Variants in ATG4D observed in about 807,000 individuals in gnomAD.
ATG4D encodes the protein cysteine protease ATG4D.
ATG4D carries 51 observed loss-of-function variants against 55.2 expected under a neutral mutation model. The ratio of observed to expected loss-of-function variants is 0.92; its 90% CI spans 0.74 to 1.17. The LOEUF (loss-of-function observed/expected upper bound fraction) is 1.17, where lower values mean the gene tolerates loss of function less well. Among genes scored for constraint, ATG4D ranks in the 50% most tolerant of loss-of-function variants. The pLI, the probability that ATG4D is intolerant of heterozygous loss-of-function variation, is 0.00. For missense variants in ATG4D, 635 were observed against 649.6 expected (o/e 0.98, Z 0.25); for synonymous variants, 268 against 266.2 (o/e 1.01, Z -0.07).
chr19:10,546,886 G>A lies in ATG4D; in HGVS notation c.541G>A (p.Gly181Arg). The change falls in exon 4 of 10, where the codon GGG becomes AGG. Residue 181 changes from glycine to arginine, a missense_variant. Coordinates refer to ENST00000309469, the MANE Select transcript of ATG4D (RefSeq NM_032885.6). ...GMGLGPPELS[G>R]SASPSRYHGP... ...GGGCCTGGGCCCCCCTGAGCTGTCA[G>A]GGTCAGCCTCTCCCAGCCGGTACCA... 1 of 1,608,884 alleles carries A rather than the reference G, an allele frequency of 6.2e-7. No homozygotes were observed. Among genetic ancestry groups the A allele is most frequent in the Non-Finnish European group, 8.5e-7 (1 of 1,177,760 alleles).
rs752118366 is a variant in ATG4D at position 10,552,222 on chromosome 19, G to A, written c.1140G>A (p.Ser380=). 2.0e-5 allele frequency: 33 copies of A among 1,612,918 alleles called. No individual in the cohort carries two copies. The highest frequency in any genetic ancestry group is 2.4e-5 in the Non-Finnish European group (28 of 1,180,002). The change falls in exon 9 of 10, where the codon TCG becomes TCA. Residue 380 remains serine (S), a synonymous_variant. Transcript: ENST00000309469. The part of the protein sequence containing the change: ...DFPLESFHCT[S]PRKMAFAKMD... The stretch of plus-strand genomic sequence containing the variant: ...TGCCCCAGTCCTTCCACTGCACCTC[G>A]CCCCGCAAGATGGCCTTTGCCAAGA...
chr19:10,544,618 C>A, intron 1 of ATG4D, 165 bp from the exon 2 acceptor site: 3 of 1,318,516 alleles, frequency 2.3e-6, no homozygotes, highest in Non-Finnish European at 3.0e-6. Context: ...TGATGGTGGA[C>A]ACTCCTGTAG....
rs548268362 is a variant in ATG4D at position 10,547,042 on chromosome 19, G to C, written c.697G>C (p.Val233Leu). ...PRAPFGLHRL[V>L]ELGQSSGKKA... ...GGCCCCCTTTGGCCTACACCGGCTG[G>C]TGGAGCTTGGGCAGAGCTCAGGCAA... The change falls in exon 4 of 10, where the codon GTG (valine) becomes CTG (leucine). Residue 233 changes from valine (V) to leucine (L), a missense_variant. Val to Leu is a conservative substitution (Grantham distance 32). Coordinates refer to ENST00000309469, the MANE Select transcript of ATG4D (RefSeq NM_032885.6). The C allele has an allele frequency of 6.3e-7, 1 of 1,587,010 alleles. No individual in the cohort carries two copies. Among genetic ancestry groups the C allele is most frequent in the East Asian group, 2.3e-5 (1 of 43,938 alleles).
At chr19:10,547,295 G>A in intron 5 of ATG4D, 42 bp downstream of exon 5, 1 of 1,596,614 alleles carries the variant, frequency 6.3e-7, no homozygotes, top group Non-Finnish European at 8.6e-7. Context: ...CCCACCCTGA[G>A]CCAGACTCTG....
chr19:10,545,299 CG>C (rs1336475652), intron 3 of ATG4D, among the ~76,000 whole-genome samples, 169 bp downstream of exon 3: 2 of 152,160 alleles, frequency 1.3e-5, no homozygotes, highest in Non-Finnish European at 2.9e-5. Flanking sequence ...GGGTTGGAAA[CG>C]GTGGCTCATG....
chr19:10,548,003 A>ATTTTTTTTTTTTTTTTTTTT lies in ATG4D; in HGVS notation c.835+776_835+795dup, dbSNP rs60924749. Among the ~76,000 whole-genome samples the ATTTTTTTTTTTTTTTTTTTT allele has an allele frequency of 1.1e-4, 4 of 35,000 alleles. 1 individual carries two copies. Among genetic ancestry groups the ATTTTTTTTTTTTTTTTTTTT allele is most frequent in the Non-Finnish European group, 2.1e-4 (4 of 19,016 alleles). 23.0% of individuals were successfully genotyped at this position (35,000 alleles called of 152,430 possible). A position where few individuals can be genotyped will look rare whatever the true frequency, so the allele number is the denominator to read the frequency against. On this transcript the variant is annotated intron_variant, in intron 5 of 9. Transcript: ENST00000309469. ...TGAGCCACTGTGCCCAGCCCCTGTA[A>ATTTTTTTTTTTTTTTTTTTT]TTTTTTTTTTTTTTTTTTTTTTTTT... is the stretch of plus-strand genomic sequence containing the variant.
intron 6 of ATG4D, chr19:10,550,944 T>G (rs12973308): frequency 0.24 from 36,174 of 151,912 alleles, 5,337 homozygotes; most frequent in East Asian, 0.69. Flanking sequence ...TCTCCTGACC[T>G]CGTGATCCTC....
At chr19:10,552,355 G>A (rs778895215) in intron 9 of ATG4D, 31 bp downstream of exon 9, 2 of 1,597,174 alleles carry the variant, frequency 1.3e-6, no homozygotes, top group Non-Finnish European at 1.7e-6. Flanking sequence ...AGTGGGGTGA[G>A]GGGGGCGGTT....
chr19:10,544,309 GAAC>G lies in ATG4D; in HGVS notation c.223_225del (p.Asn75del), dbSNP rs2074944260. ...TCAAGGCCAAGTTCCTGACAGCCTG[GAAC>G]AACGTCAAGTACGGTGAGGAGGGGG... is the stretch of plus-strand genomic sequence containing the variant. On this transcript the variant is annotated inframe_deletion, in exon 1 of 10. Coordinates refer to ENST00000309469, the MANE Select transcript of ATG4D (RefSeq NM_032885.6). 1 of 1,311,528 alleles carries G rather than the reference GAAC, an allele frequency of 7.6e-7. No homozygotes were observed. The highest frequency in any genetic ancestry group is 2.9e-5 in the South Asian group (1 of 34,236). 81.2% of individuals were successfully genotyped at this position (1,311,528 alleles called of 1,614,324 possible). A position where few individuals can be genotyped will look rare whatever the true frequency, so the allele number is the denominator to read the frequency against.
In ATG4D at chr19:10,546,855, G is replaced by A. The variant is rs779489167; in HGVS notation, c.510G>A (p.Glu170=). The change falls in exon 4 of 10, where the codon GAG becomes GAA. Residue 170 remains glutamate (E), a synonymous_variant. Coordinates refer to ENST00000309469, the MANE Select transcript of ATG4D (RefSeq NM_032885.6). ...HFLPRDWTWA[E]GMGLGPPELS... ...TTCCACCAGACTGGACATGGGCCGA[G>A]GGCATGGGCCTGGGCCCCCCTGAGC... 1.9e-6 allele frequency: 3 copies of A among 1,594,304 alleles called. No individual in the cohort carries two copies. Among genetic ancestry groups the A allele is most frequent in the South Asian group, 2.2e-5 (2 of 89,768 alleles).
At position 10,544,194 on chromosome 19, in the gene ATG4D, A is replaced by G; in HGVS notation, c.104A>G (p.Asp35Gly). Residue 35 changes from aspartate (D) to glycine (G), a missense_variant, in exon 1 of 10, where the codon GAC becomes GGC. Asp to Gly is a moderately conservative substitution (Grantham distance 94). Transcript: ENST00000309469. The stretch of plus-strand genomic sequence containing the variant: ...AGGCCGCGGGGTCCCAGAGGCCCAG[A>G]CCCCAACGGCCTGGGGCCTTCCGGA... ...ARRPRGPRGP[D>G]PNGLGPSGAS... The G allele has an allele frequency of 8.0e-7, 1 of 1,248,202 alleles. No individual in the cohort carries two copies. Among genetic ancestry groups the G allele is most frequent in the Non-Finnish European group, 1.0e-6 (1 of 988,782 alleles). 77.3% of individuals were successfully genotyped at this position (1,248,202 alleles called of 1,614,324 possible). A position where few individuals can be genotyped will look rare whatever the true frequency, so the allele number is the denominator to read the frequency against.
At chr19:10,549,091 G>A (rs1156447840) in intron 6 of ATG4D, 57 bp downstream of exon 6, 2 of 1,602,364 alleles carry the variant, frequency 1.2e-6, no homozygotes, top group African/African-American at 2.7e-5. Flanking sequence ...GACTTGTTTA[G>A]TTTGTGTTAG....
At chr19:10,544,601 C>A in intron 1 of ATG4D, 182 bp from the exon 2 acceptor site, 1 of 1,251,750 alleles carries the variant, frequency 8.0e-7, no homozygotes, top group Non-Finnish European at 1.1e-6. Flanking sequence ...CTTCCTTCAT[C>A]CTGAATTGAT....
In ATG4D at chr19:10,553,149, AGTG is replaced by A; in HGVS notation, c.*83_*85del. ...CGGGTGTGGGATCTTGAGCTCTGGC[AGTG>A]ATGATGGTACTTCCTGTTGTCAGCC... On this transcript the variant is annotated 3_prime_UTR_variant, in exon 10 of 10. Transcript: ENST00000309469. 1.4e-6 allele frequency: 2 copies of A among 1,445,722 alleles called. No homozygotes were observed. Among genetic ancestry groups the A allele is most frequent in the South Asian group, 2.7e-5 (2 of 73,810 alleles). The allele number at this position is 1,445,722 out of a possible 1,614,324, so 89.6% of individuals were successfully genotyped here. A position where few individuals can be genotyped will look rare whatever the true frequency, so the allele number is the denominator to read the frequency against.
At chr19:10,546,633 C>T (rs1284302046) in intron 3 of ATG4D, among the ~76,000 whole-genome samples, 1 of 152,068 alleles carries the variant, frequency 6.6e-6, no homozygotes, top group African/African-American at 2.4e-5. Context: ...AGATTACAGG[C>T]ATGAGCCACC....
Position 10,548,797 on chromosome 19 carries a change from G to T in ATG4D, c.836-107G>T. 2.0e-6 allele frequency: 3 copies of T among 1,476,500 alleles called. No homozygotes were observed. In the South Asian group the frequency reaches 3.9e-5, roughly 19 times the overall value. The allele number at this position is 1,476,500 out of a possible 1,614,324, so 91.5% of individuals were successfully genotyped here. A position where few individuals can be genotyped will look rare whatever the true frequency, so the allele number is the denominator to read the frequency against. ...GATTTTGGTTAGTGATGACAGTGTT[G>T]CCCTCTGAGAAATTGCACGGTTGAG... is the stretch of plus-strand genomic sequence containing the variant. On this transcript the variant is annotated intron_variant, in intron 5 of 9. Coordinates refer to ENST00000309469, the MANE Select transcript of ATG4D (RefSeq NM_032885.6).
At chr19:10,546,354 T>TA (rs966241718) in intron 3 of ATG4D, among the ~76,000 whole-genome samples, 24 of 149,288 alleles carry the variant, frequency 1.6e-4, no homozygotes, top group African/African-American at 5.4e-4. Context: ...TTATTATTAT[T>TA]TTTTTTTTTG....
chr19:10,552,190 G>A lies in ATG4D; in HGVS notation c.1123-15G>A, dbSNP rs200136327. The A allele has an allele frequency of 5.2e-5, 83 of 1,611,380 alleles. No individual in the cohort carries two copies. The highest frequency in any genetic ancestry group is 3.4e-4 in the South Asian group (31 of 91,074). On this transcript the variant is annotated splice_polypyrimidine_tract_variant and intron_variant, in intron 8 of 9. Coordinates refer to ENST00000309469, the MANE Select transcript of ATG4D (RefSeq NM_032885.6). ...GCAGCCCAGCCTCTGAGCCTTCCTCGTCTGTCTGCCCCAGTCCTTCCACTG... is the reference window on the plus strand; with the variant it reads ...GCAGCCCAGCCTCTGAGCCTTCCTCATCTGTCTGCCCCAGTCCTTCCACTG...
chr19:10,552,983 C>T lies in ATG4D; in HGVS notation c.1341C>T (p.Leu447=), dbSNP rs577251129. 2.5e-6 allele frequency: 4 copies of T among 1,613,532 alleles called. No homozygotes were observed. The highest frequency in any genetic ancestry group is 1.3e-5 in the African/African-American group (1 of 75,064). The change falls in exon 10 of 10, where the codon CTC becomes CTT. Residue 447 remains leucine, a synonymous_variant. Coordinates refer to ENST00000309469, the MANE Select transcript of ATG4D (RefSeq NM_032885.6). Reference sequence around the variant, plus strand: ...GCCTGGACGACCTCTGCTCCCAGCTCGCCCAGCCCACACTCCGGCTCCCTC... The same window carrying T: ...GCCTGGACGACCTCTGCTCCCAGCTTGCCCAGCCCACACTCCGGCTCCCTC... ...DHSLDDLCSQ[L]AQPTLRLPRT... is the part of the protein sequence containing the mutation.
Sources: allele counts gnomAD v4.1 joint callset (sites outside exome capture counted in the v4.1 genomes callset), GRCh38; gene constraint gnomAD v4.1.1; transcripts MANE v1.5; gene names NCBI Gene and HGNC (gene_info 2026-07-23, HGNC 2026-07-21).